The following RNLS variants were observed in gnomAD, a reference collection of about 807,000 sequenced individuals.
The protein encoded by RNLS is renalase, FAD dependent amine oxidase.
Under a neutral mutation model 39.8 loss-of-function variants are expected in RNLS, and 39 were observed. The ratio of observed to expected loss-of-function variants is 0.98; its 90% CI spans 0.76 to 1.28. The LOEUF is 1.28. Among genes scored for constraint, RNLS ranks in the 50% most tolerant of loss-of-function variants. The pLI is 0.00. For synonymous variants in RNLS, 147 were observed against 150.7 expected, an observed-to-expected ratio of 0.98 and a Z score of 0.18; for missense variants, 410 against 413.3, an observed-to-expected ratio of 0.99 and a Z score of 0.07.
At chr10:88,508,046 T>C (rs148450107) in intron 4 of RNLS, among the ~76,000 whole-genome samples, 474 of 152,278 alleles carry the variant, frequency 3.1e-3, no homozygotes, top group Non-Finnish European at 5.4e-3. Context: ...TAATCTTGAG[T>C]GGTCTCTGTA....
At chr10:88,261,200 T>C in the RNLS span, among the ~76,000 whole-genome samples, 1 of 152,234 alleles carries the variant, frequency 6.6e-6, no homozygotes, top group African/African-American at 2.4e-5. Flanking sequence ...AGCTTTAATA[T>C]CAAACTTTAA....
chr10:88,269,541 G>A (rs1842592797), downstream of RNLS, among the ~76,000 whole-genome samples: 1 of 152,150 alleles, frequency 6.6e-6, no homozygotes, highest in South Asian at 2.1e-4. Flanking sequence ...GCTGAAACAG[G>A]AGGCTCTGGG....
the RNLS span, among the ~76,000 whole-genome samples, chr10:88,227,016 A>G: frequency 6.6e-6 from 1 of 152,188 alleles, no homozygotes; most frequent in Non-Finnish European, 1.5e-5. Flanking sequence ...CTGGTTTTGT[A>G]AATAAAGTTT....
chr10:88,456,687 T>C (rs937492016), intron 4 of RNLS, among the ~76,000 whole-genome samples: 2 of 152,172 alleles, frequency 1.3e-5, no homozygotes, highest in Non-Finnish European at 2.9e-5. Flanking sequence ...GGGACTCTCA[T>C]GAGTCCTATA....
intron 4 of RNLS, among the ~76,000 whole-genome samples, chr10:88,454,265 T>C (rs1842502998): frequency 1.3e-5 from 2 of 152,166 alleles, no homozygotes; most frequent in African/African-American, 4.8e-5. Flanking sequence ...CAAATGACTA[T>C]CAGATTTGAT....
intron 4 of RNLS, among the ~76,000 whole-genome samples, chr10:88,449,891 G>C (rs1264348269): frequency 6.6e-6 from 1 of 152,064 alleles, no homozygotes; most frequent in Non-Finnish European, 1.5e-5. Flanking sequence ...CTGCTTCTGG[G>C]AGGGTAGGAC....
the RNLS span, among the ~76,000 whole-genome samples, chr10:88,190,758 C>T: frequency 6.6e-6 from 1 of 152,208 alleles, no homozygotes; most frequent in Admixed American, 6.5e-5. Context: ...TCTGTGCTTG[C>T]TTATTTCCCA....
At chr10:88,542,361 T>TGTTGTG (rs60555810) in intron 4 of RNLS, among the ~76,000 whole-genome samples, 2,087 of 152,278 alleles carry the variant, frequency 0.014, 49 homozygotes, top group African/African-American at 0.047. Context: ...TGTTGTACTC[T>TGTTGTG]CATTAAGTGC....
chr10:88,395,828 T>C (rs998606065), intron 4 of RNLS, among the ~76,000 whole-genome samples: 1 of 151,930 alleles, frequency 6.6e-6, no homozygotes, highest in African/African-American at 2.4e-5. Flanking sequence ...ACAAAGAGAA[T>C]CTTGAAGCAG....
At chr10:88,243,269 T>C in the RNLS span, among the ~76,000 whole-genome samples, 2 of 152,220 alleles carry the variant, frequency 1.3e-5, no homozygotes, top group Non-Finnish European at 2.9e-5. Context: ...AGGCATTCAA[T>C]GTCAGCTTAA....
chr10:88,282,468 A>C (rs1843048502), downstream of RNLS, among the ~76,000 whole-genome samples: 1 of 143,474 alleles, frequency 7.0e-6, no homozygotes, highest in African/African-American at 2.6e-5. Context: ...AGGAGGATGA[A>C]AAGTGAAAAT....
At chr10:88,432,140 G>T (rs1355741324) in intron 4 of RNLS, among the ~76,000 whole-genome samples, 1 of 151,424 alleles carries the variant, frequency 6.6e-6, no homozygotes, top group Non-Finnish European at 1.5e-5. Context: ...TTGCAATTTG[G>T]TAATTAGGTA....
chr10:88,537,353 T>G (rs1014055560), intron 4 of RNLS, among the ~76,000 whole-genome samples: 1 of 152,182 alleles, frequency 6.6e-6, no homozygotes, highest in African/African-American at 2.4e-5. Flanking sequence ...TACAGCCAAG[T>G]ATATATGCAA....
chr10:88,489,906 T>C (rs1449704164), intron 4 of RNLS, among the ~76,000 whole-genome samples: 1 of 152,192 alleles, frequency 6.6e-6, no homozygotes, highest in South Asian at 2.1e-4. Flanking sequence ...AACTCTTTTA[T>C]GAATTACTGA....
chr10:88,202,948 C>T, the RNLS span, among the ~76,000 whole-genome samples: 21 of 152,120 alleles, frequency 1.4e-4, no homozygotes, highest in African/African-American at 5.1e-4. Context: ...AGCAGACTTC[C>T]TGCAGTTTAA....
At chr10:88,392,363 G>A (rs1382144234) in intron 4 of RNLS, among the ~76,000 whole-genome samples, 2 of 152,162 alleles carry the variant, frequency 1.3e-5, no homozygotes, top group Non-Finnish European at 2.9e-5. Context: ...GCTAAGACCT[G>A]AGAAAGATCT....
At chr10:88,535,737 T>C (rs1261545833) in intron 4 of RNLS, among the ~76,000 whole-genome samples, 2 of 152,036 alleles carry the variant, frequency 1.3e-5, no homozygotes, top group Non-Finnish European at 2.9e-5. Flanking sequence ...ATAGAAATAA[T>C]AAACTAGAGT....
At chr10:88,228,328 C>T in the RNLS span, among the ~76,000 whole-genome samples, 5 of 152,166 alleles carry the variant, frequency 3.3e-5, no homozygotes, top group Non-Finnish European at 7.4e-5. Context: ...TCAGCAATCA[C>T]GGGTTTTTCA....
At chr10:88,527,645 T>C (rs1486435811) in intron 4 of RNLS, among the ~76,000 whole-genome samples, 3 of 152,148 alleles carry the variant, frequency 2.0e-5, no homozygotes, top group Non-Finnish European at 2.9e-5. Context: ...CTTGGTGAAA[T>C]GTGCCAGTCC....
Sources: allele counts gnomAD v4.1 joint callset (sites outside exome capture counted in the v4.1 genomes callset), GRCh38; gene constraint gnomAD v4.1.1; transcripts MANE v1.5; gene names NCBI Gene and HGNC (gene_info 2026-07-23, HGNC 2026-07-21).